TBX15: variants seen among roughly 807,000 people sequenced by gnomAD.
TBX15 encodes T-box transcription factor TBX15.
A neutral mutation model predicts 53.9 loss-of-function variants in TBX15; 18 were observed. That is an observed-to-expected ratio of 0.33 (90% CI 0.23 to 0.49). The LOEUF is 0.49. Among genes scored for constraint, TBX15 ranks in the 20% least tolerant of loss-of-function variants. TBX15 has a pLI of 0.98. For synonymous variants in TBX15, 295 were observed against 278.0 expected (o/e 1.06, Z -0.61); for missense variants, 692 against 749.5 (o/e 0.92, Z 0.90).
intron 1 of TBX15, among the ~76,000 whole-genome samples, chr1:118,945,272 G>A (rs1311159741): frequency 6.6e-6 from 1 of 152,148 alleles, no homozygotes; most frequent in Non-Finnish European, 1.5e-5. Flanking sequence ...CTTTTTGGCA[G>A]CATTTATTCC....
intron 1 of TBX15, among the ~76,000 whole-genome samples, chr1:118,956,078 G>A (rs1656680490): frequency 6.6e-6 from 1 of 152,164 alleles, no homozygotes; most frequent in Admixed American, 6.5e-5. Flanking sequence ...CAGCTAGAAG[G>A]TGCTATCTAT....
Position 118,883,272 on chromosome 1 carries a change from A to C in TBX15, c.*1460T>G, listed in dbSNP as rs900448470. ...ACTTTAATAATATCTGTATTATTTT[A>C]CTTGGTATTATTTGCATTTCCACAC... On this transcript the variant is annotated 3_prime_UTR_variant, in exon 8 of 8. Transcript: ENST00000369429. The C allele has an allele frequency of 6.6e-6, 1 of 152,606 alleles. No homozygotes were observed. The highest frequency in any genetic ancestry group is 6.5e-5 in the Admixed American group (1 of 15,280). 9.5% of individuals were successfully genotyped at this position (152,606 alleles called of 1,614,324 possible).
intron 6 of TBX15, among the ~76,000 whole-genome samples, chr1:118,899,779 A>G (rs1445617174): frequency 6.6e-6 from 1 of 152,234 alleles, no homozygotes; most frequent in Non-Finnish European, 1.5e-5. Flanking sequence ...CCAAATATTC[A>G]TCTGCATTTT....
chr1:118,966,775 T>C (rs1375774388), intron 1 of TBX15, among the ~76,000 whole-genome samples: 3 of 152,214 alleles, frequency 2.0e-5, no homozygotes, highest in Non-Finnish European at 2.9e-5. Context: ...TCTATGTTTT[T>C]GAGAGAATAA....
In TBX15 at chr1:118,885,192, A is replaced by G; in HGVS notation, c.1349T>C (p.Ile450Thr). 6.2e-7 allele frequency: 1 copy of G among 1,614,160 alleles called. No individual in the cohort carries two copies. Among genetic ancestry groups the G allele is most frequent in the South Asian group, 1.1e-5 (1 of 91,082 alleles). The change falls in exon 8 of 8, where the codon ATA (isoleucine) becomes ACA (threonine). Residue 450 changes from isoleucine to threonine, a missense_variant. This residue lies in a region of TBX15 where 375 missense variants were observed against 371.6 expected (regional missense o/e 1.01). Transcript: ENST00000369429. ...GCCAGGCAACGAGGGAGGAGTTGGT[A>G]TTCCTGAGATCAGGGATGGAGTCCT... Reference protein sequence around the residue: ...PQRTPSLISGIPTPPSLPGNS... With the variant: ...PQRTPSLISGTPTPPSLPGNS...
At chr1:118,966,452 C>T (rs1052232251) in intron 1 of TBX15, among the ~76,000 whole-genome samples, 3 of 152,150 alleles carry the variant, frequency 2.0e-5, no homozygotes, top group African/African-American at 7.2e-5. Flanking sequence ...GCCTCTAGGC[C>T]TGGCCCTCAA....
chr1:118,977,271 T>C (rs1398065594), intron 1 of TBX15, among the ~76,000 whole-genome samples: 2 of 152,202 alleles, frequency 1.3e-5, no homozygotes, highest in African/African-American at 4.8e-5. Flanking sequence ...TTGATATACA[T>C]ATAATTGTTA....
chr1:118,979,936 C>G (rs1268500033), intron 1 of TBX15, among the ~76,000 whole-genome samples: 4 of 152,164 alleles, frequency 2.6e-5, no homozygotes, highest in Non-Finnish European at 5.9e-5. Context: ...GCGCCTGACC[C>G]GTTCGCCGTT....
At chr1:118,890,045 G>C (rs1216286717) in intron 7 of TBX15, among the ~76,000 whole-genome samples, 1 of 152,182 alleles carries the variant, frequency 6.6e-6, no homozygotes, top group African/African-American at 2.4e-5. Flanking sequence ...TGTCTGTGGA[G>C]CTAAGCATCT....
At chr1:118,895,016 T>G (rs1544153) in intron 7 of TBX15, among the ~76,000 whole-genome samples, 86,336 of 151,984 alleles carry the variant, frequency 0.57, 25,351 homozygotes, top group East Asian at 0.93. Flanking sequence ...GCTATGTTTT[T>G]ATCATTACAG....
At chr1:118,988,557 C>T (rs1023916441), upstream of TBX15, among the ~76,000 whole-genome samples, 2 of 152,188 alleles carry the variant, frequency 1.3e-5, no homozygotes, top group Non-Finnish European at 2.9e-5. Flanking sequence ...GGAGGTAGGA[C>T]AGTTGAAAGT....
intron 1 of TBX15, among the ~76,000 whole-genome samples, chr1:118,938,739 C>T (rs1375283532): frequency 6.6e-6 from 1 of 152,142 alleles, no homozygotes; most frequent in Admixed American, 6.5e-5. Context: ...TTGCATTTCT[C>T]TGTTGATTAG....
At chr1:118,985,814 A>G (rs549788214) in intron 1 of TBX15, among the ~76,000 whole-genome samples, 3 of 152,354 alleles carry the variant, frequency 2.0e-5, no homozygotes, top group South Asian at 4.1e-4. Flanking sequence ...GAGCGAGTAA[A>G]TAGAATTCAT....
At chr1:118,893,617 G>GAAAA (rs1354805382) in intron 7 of TBX15, among the ~76,000 whole-genome samples, 2 of 106,368 alleles carry the variant, frequency 1.9e-5, no homozygotes, top group African/African-American at 8.2e-5. Context: ...GAAAGAAAGA[G>GAAAA]AGAGAGAAAG....
rs186422503 is a variant in TBX15, at chr1:118,964,464, T to C, written c.205+23127A>G. Among the ~76,000 whole-genome samples the C allele has an allele frequency of 1.4e-3, 209 of 152,336 alleles. 1 individual carries two copies. The highest frequency in any genetic ancestry group is 4.7e-3 in the African/African-American group (197 of 41,578). On this transcript the variant is annotated intron_variant, in intron 1 of 7. Coordinates refer to ENST00000369429, the MANE Select transcript of TBX15 (RefSeq NM_001330677.2). ...GAGAAATTAAGCAACTTACCCATGT[T>C]TTCAGAGCTAATAAGGATTAGAGTC...
chr1:118,974,899 T>C (rs1196873525), intron 1 of TBX15, among the ~76,000 whole-genome samples: 4 of 152,154 alleles, frequency 2.6e-5, no homozygotes, highest in Admixed American at 1.3e-4. Context: ...GTAAATTCAA[T>C]CCATGGCAAA....
At chr1:118,963,262 T>C (rs1371202273) in intron 1 of TBX15, among the ~76,000 whole-genome samples, 1 of 152,200 alleles carries the variant, frequency 6.6e-6, no homozygotes, top group Non-Finnish European at 1.5e-5. Context: ...AAAAAGTTGA[T>C]TTAGGACACT....
chr1:118,916,478 GA>G (rs1655225819), intron 5 of TBX15, among the ~76,000 whole-genome samples: 1 of 152,064 alleles, frequency 6.6e-6, no homozygotes, highest in Admixed American at 6.6e-5. Flanking sequence ...AGAAACACAT[GA>G]AAAAAAGCTC....
intron 1 of TBX15, among the ~76,000 whole-genome samples, chr1:118,942,756 T>A (rs987531280): frequency 1.3e-5 from 2 of 152,226 alleles, no homozygotes; most frequent in Admixed American, 1.3e-4. Flanking sequence ...AATACTCAGA[T>A]ACTAACTCTC....
Sources: gnomAD v4.1 joint callset for allele counts (sites outside exome capture counted in the v4.1 genomes callset) on GRCh38, gnomAD v4.1.1 for gene constraint, gnomAD v4.1.1 regional missense constraint, MANE v1.5 for transcripts, NCBI Gene and HGNC (gene_info 2026-07-23, HGNC 2026-07-21) for gene names.